CDC42BPA: variants seen among roughly 807,000 people sequenced by gnomAD.
CDC42BPA encodes serine/threonine-protein kinase MRCK alpha.
A neutral mutation model predicts 223.5 loss-of-function variants in CDC42BPA; 80 were observed. The observed-to-expected ratio is 0.36, with a 90% confidence interval of 0.30 to 0.43. The LOEUF (loss-of-function observed/expected upper bound fraction) is 0.43, where lower values mean the gene tolerates loss of function less well. Among genes scored for constraint, CDC42BPA ranks in the 20% least tolerant of loss-of-function variants. The pLI is 1.00. For synonymous variants in CDC42BPA, 694 were observed against 718.6 expected, an observed-to-expected ratio of 0.97 and a Z score of 0.55; for missense variants, 1,743 against 2,099.9, an observed-to-expected ratio of 0.83 and a Z score of 3.32.
At chr1:226,999,973 T>C (rs564107362) in intron 35 of CDC42BPA, among the ~76,000 whole-genome samples, 10 of 151,876 alleles carry the variant, frequency 6.6e-5, no homozygotes, top group Non-Finnish European at 1.2e-4. Flanking sequence ...AGGGGAGGGA[T>C]AGCATTAAGA....
chr1:227,130,904 A>G (rs1202426879), intron 10 of CDC42BPA, among the ~76,000 whole-genome samples: 1 of 152,142 alleles, frequency 6.6e-6, no homozygotes, highest in Admixed American at 6.5e-5. Flanking sequence ...GGACATTAAT[A>G]GGAGCTACTT....
chr1:227,033,549 T>G, intron 26 of CDC42BPA, 134 bp from the exon 27 acceptor site: 1 of 611,046 alleles, frequency 1.6e-6, no homozygotes, highest in Non-Finnish European at 3.0e-6. Context: ...AAAAAATTAA[T>G]TTTCCCCCAT....
chr1:227,027,375 C>A (rs998226852), intron 30 of CDC42BPA, among the ~76,000 whole-genome samples: 10 of 152,094 alleles, frequency 6.6e-5, no homozygotes, highest in Admixed American at 4.6e-4. Flanking sequence ...TAGACCCATA[C>A]CCATCACTCC....
intron 16 of CDC42BPA, among the ~76,000 whole-genome samples, chr1:227,087,947 T>C (rs1208291961): frequency 1.3e-5 from 2 of 152,012 alleles, no homozygotes; most frequent in Non-Finnish European, 2.9e-5. Flanking sequence ...CTTCCACATT[T>C]GTGGTTGGGG....
intron 23 of CDC42BPA, among the ~76,000 whole-genome samples, chr1:227,042,208 C>G (rs995519849): frequency 1.4e-4 from 22 of 151,768 alleles, no homozygotes; most frequent in African/African-American, 4.6e-4. Flanking sequence ...CAAGACATAC[C>G]TGAAACAGTA....
chr1:226,993,365 T>G lies in CDC42BPA; in HGVS notation c.*903A>C, dbSNP rs2148193744. ...AATTCCACCACTAGGAAAAGAAACA[T>G]CTTGGGTAGAGATGAGTTCGCCTTT... is the stretch of plus-strand genomic sequence containing the variant. On this transcript the variant is annotated 3_prime_UTR_variant, in exon 37 of 37. Coordinates refer to ENST00000366766, the MANE Select transcript of CDC42BPA (RefSeq NM_001394014.1). The G allele has an allele frequency of 2.0e-5, 3 of 152,284 alleles. No homozygotes were observed. In the Middle Eastern group the frequency reaches 0.01, roughly 518 times the overall value. 9.4% of individuals were successfully genotyped at this position (152,284 alleles called of 1,614,324 possible).
intron 2 of CDC42BPA, among the ~76,000 whole-genome samples, chr1:227,249,556 G>T (rs1681594128): frequency 6.6e-6 from 1 of 151,370 alleles, no homozygotes; most frequent in African/African-American, 2.4e-5. Flanking sequence ...TCTGACAAGG[G>T]ATTAATAACC....
At chr1:227,176,440 A>AC (rs1207547056) in intron 5 of CDC42BPA, among the ~76,000 whole-genome samples, 2 of 152,178 alleles carry the variant, frequency 1.3e-5, no homozygotes, top group Non-Finnish European at 2.9e-5. Context: ...AATAACAGTA[A>AC]CTATACTGTC....
chr1:227,274,275 G>C (rs1394115955), intron 1 of CDC42BPA, among the ~76,000 whole-genome samples: 1 of 152,042 alleles, frequency 6.6e-6, no homozygotes, highest in Non-Finnish European at 1.5e-5. Flanking sequence ...TCCAAAAGTA[G>C]GCACCTGACC....
intron 22 of CDC42BPA, among the ~76,000 whole-genome samples, chr1:227,050,816 T>C (rs2148864828): frequency 6.6e-6 from 1 of 152,266 alleles, no homozygotes; most frequent in African/African-American, 2.4e-5. Flanking sequence ...TTTAGATATG[T>C]CTGGGAAAGA....
At chr1:227,168,497 G>GTTTGTTTTTTTTTTT (rs1665475251) in intron 5 of CDC42BPA, among the ~76,000 whole-genome samples, 1 of 80,196 alleles carries the variant, frequency 1.2e-5, no homozygotes, top group East Asian at 3.3e-4. Context: ...CTTCCCTGGT[G>GTTTGTTTTTTTTTTT]TTTTTTTTTT....
At chr1:227,282,966 CTT>C (rs1358873315) in intron 1 of CDC42BPA, among the ~76,000 whole-genome samples, 1 of 151,970 alleles carries the variant, frequency 6.6e-6, no homozygotes, top group Admixed American at 6.6e-5. Flanking sequence ...GAACTATACA[CTT>C]AAAAAAGATT....
intron 16 of CDC42BPA, among the ~76,000 whole-genome samples, chr1:227,081,426 T>C (rs1680622413): frequency 1.3e-5 from 2 of 151,838 alleles, no homozygotes; most frequent in Admixed American, 1.3e-4. Flanking sequence ...AACATCAATC[T>C]TGTTTCACTT....
chr1:227,013,623 C>T (rs1049240882), intron 34 of CDC42BPA, among the ~76,000 whole-genome samples: 4 of 151,898 alleles, frequency 2.6e-5, no homozygotes, highest in Non-Finnish European at 4.4e-5. Flanking sequence ...CTGTAGTATG[C>T]GGGCTAGAAT....
Position 227,080,957 on chromosome 1 carries a change from C to T in CDC42BPA, c.2416G>A (p.Asp806Asn). 1 of 1,613,706 alleles carries T rather than the reference C, an allele frequency of 6.2e-7. No homozygotes were observed. The highest frequency in any genetic ancestry group is 1.3e-5 in the African/African-American group (1 of 75,034). ...ACTGATTCTTTCTTGTCTGCTAGAT[C>T]TTTAACCTCTTCTTCTAACTGCTGG... ...HNQQLEEEVK[D>N]LADKKESVAH... Residue 806 changes from aspartate (D) to asparagine (N), a missense_variant, in exon 17 of 37, where the codon GAT (aspartate) becomes AAT (asparagine). Asp to Asn is a conservative substitution (Grantham distance 23). Transcript: ENST00000366766.
intron 23 of CDC42BPA, among the ~76,000 whole-genome samples, chr1:227,045,503 T>C (rs1004439464): frequency 1.3e-5 from 2 of 152,202 alleles, no homozygotes; most frequent in African/African-American, 4.8e-5. Context: ...TCTGGAAACA[T>C]GTCTTTTAGT....
intron 9 of CDC42BPA, among the ~76,000 whole-genome samples, chr1:227,142,057 G>A (rs940259192): frequency 1.4e-4 from 22 of 152,210 alleles, no homozygotes; most frequent in Admixed American, 3.3e-4. Context: ...TGTCAGACAA[G>A]GGGGACTTGA....
chr1:227,022,309 T>G (rs1667525667), intron 32 of CDC42BPA, among the ~76,000 whole-genome samples: 1 of 151,976 alleles, frequency 6.6e-6, no homozygotes, highest in Non-Finnish European at 1.5e-5. Context: ...GGTGCATACC[T>G]ATAATCCTAG....
chr1:227,256,989 AC>A (rs1312321001), intron 1 of CDC42BPA, among the ~76,000 whole-genome samples: 3 of 146,600 alleles, frequency 2.0e-5, no homozygotes, highest in Non-Finnish European at 4.5e-5. Context: ...ACACACACAC[AC>A]CAGTATGTTA....
Sources: allele counts gnomAD v4.1 joint callset (sites outside exome capture counted in the v4.1 genomes callset), GRCh38; gene constraint gnomAD v4.1.1; transcripts MANE v1.5; gene names NCBI Gene and HGNC (gene_info 2026-07-23, HGNC 2026-07-21).